The following ZZEF1 variants were observed in gnomAD, a reference collection of about 807,000 sequenced individuals.
ZZEF1 encodes zinc finger ZZ-type and EF-hand domain-containing protein 1.
ZZEF1 carries 157 observed loss-of-function variants against 342.8 expected under a neutral mutation model. That is an observed-to-expected ratio of 0.46 (90% CI 0.40 to 0.52). ZZEF1 has a LOEUF of 0.52. ZZEF1 is among the 20% of genes least tolerant of loss of function. The probability of loss-of-function intolerance (pLI) is 0.00; values close to 1 mark genes in which losing one functional copy is unlikely to be tolerated. For synonymous variants in ZZEF1, 1,505 were observed against 1,429.1 expected, an observed-to-expected ratio of 1.05 and a Z score of -1.20; for missense variants, 3,480 against 3,725.6, an observed-to-expected ratio of 0.93 and a Z score of 1.72.
At chr17:4,040,274 T>A (rs538699666) in intron 39 of ZZEF1, among the ~76,000 whole-genome samples, 2 of 152,238 alleles carry the variant, frequency 1.3e-5, no homozygotes, top group Admixed American at 1.3e-4. Context: ...TTAGAGTAAA[T>A]AATTCAGAAG....
At chr17:4,117,843 A>G (rs920872325) in intron 2 of ZZEF1, among the ~76,000 whole-genome samples, 11 of 152,296 alleles carry the variant, frequency 7.2e-5, no homozygotes, top group Admixed American at 1.3e-4. Context: ...GAGTAAAATC[A>G]TAACTGCTTT....
rs74895855 is a variant in ZZEF1 at position 4,034,398 on chromosome 17, C to T, written c.6307-106G>A. 7,616 of 1,162,372 alleles carry T rather than the reference C, an allele frequency of 6.6e-3. 24 individuals carry two copies. Among genetic ancestry groups the T allele is most frequent in the Non-Finnish European group, 8.0e-3 (6,611 of 823,410 alleles). 72.0% of individuals were successfully genotyped at this position (1,162,372 alleles called of 1,614,324 possible). A position where few individuals can be genotyped will look rare whatever the true frequency, so the allele number is the denominator to read the frequency against. ...TTATTTACAGCTGGCCTAGTGCTAA[C>T]GGAATCATGCTTGTAGCTTTCATAA... On this transcript the variant is annotated intron_variant, in intron 39 of 54. Transcript: ENST00000381638.
chr17:4,098,801 TCA>T (rs2058080552), intron 9 of ZZEF1, among the ~76,000 whole-genome samples: 1 of 152,160 alleles, frequency 6.6e-6, no homozygotes, highest in Non-Finnish European at 1.5e-5. Flanking sequence ...CTTCTCTAAT[TCA>T]CACAGACGCT....
Position 4,117,098 on chromosome 17 carries a change from G to C in ZZEF1, c.568C>G (p.Leu190Val), listed in dbSNP as rs2058407808. The change falls in exon 3 of 55, where the codon CTG (leucine) becomes GTG (valine). Residue 190 changes from leucine to valine, a missense_variant. Around this residue, in one of 5 missense-constraint regions of ZZEF1, gnomAD observed 416 missense variants for 374.2 expected, o/e 1.11. Transcript: ENST00000381638. ...GCGCTGGAGAGCCGATTGCGGTGCA[G>C]GAAGCGCAGTATCATTGACGAGTGA... ...DIHSSMILRF[L>V]HRNRLSSAVM... The C allele has an allele frequency of 1.9e-6, 3 of 1,614,064 alleles. No homozygotes were observed. Among genetic ancestry groups the C allele is most frequent in the African/African-American group, 1.3e-5 (1 of 74,938 alleles).
chr17:4,103,150 A>G (rs1200472873), intron 8 of ZZEF1, among the ~76,000 whole-genome samples: 1 of 152,096 alleles, frequency 6.6e-6, no homozygotes, highest in Non-Finnish European at 1.5e-5. Flanking sequence ...TGCAACCCCC[A>G]ACCACCCAAG....
chr17:4,119,582 T>TGA (rs1406801803), intron 2 of ZZEF1, among the ~76,000 whole-genome samples: 1 of 152,200 alleles, frequency 6.6e-6, no homozygotes, highest in Non-Finnish European at 1.5e-5. Context: ...AGACACCTGC[T>TGA]GAGACTGAGC....
chr17:4,075,096 C>A lies in ZZEF1; in HGVS notation c.3483+1G>T. Reference sequence around the variant, plus strand: ...TACCTCTTTCTGGGACTATCACTCACCTTGGGCCATTTATCAGTGCCAACT... The same window carrying A: ...TACCTCTTTCTGGGACTATCACTCAACTTGGGCCATTTATCAGTGCCAACT... On this transcript the variant is annotated splice_donor_variant, in intron 23 of 54. Coordinates refer to ENST00000381638, the MANE Select transcript of ZZEF1 (RefSeq NM_015113.4). LOFTEE classifies it high-confidence loss of function. 1 of 1,614,194 alleles carries A rather than the reference C, an allele frequency of 6.2e-7. No individual in the cohort carries two copies. Among genetic ancestry groups the A allele is most frequent in the Non-Finnish European group, 8.5e-7 (1 of 1,180,018 alleles).
chr17:4,121,268 C>G (rs2058478030), intron 2 of ZZEF1, among the ~76,000 whole-genome samples: 2 of 152,210 alleles, frequency 1.3e-5, no homozygotes, highest in South Asian at 2.1e-4. Context: ...GCTCCTGATG[C>G]TATCCACATG....
chr17:4,057,732 A>C (rs1039763609), intron 32 of ZZEF1, among the ~76,000 whole-genome samples: 4 of 152,212 alleles, frequency 2.6e-5, no homozygotes, highest in East Asian at 3.8e-4. Context: ...ACGCGGTTCT[A>C]AACACTGAAA....
intron 43 of ZZEF1, among the ~76,000 whole-genome samples, chr17:4,024,544 C>G (rs980200996): frequency 6.6e-5 from 10 of 152,128 alleles, no homozygotes; most frequent in Non-Finnish European, 2.9e-5. Context: ...CTCCAACTGT[C>G]AAACCTGTTG....
chr17:4,009,786 TTTACTGAGAGCCATGCC>T (rs1258016749), intron 52 of ZZEF1, 29 bp from the exon 53 acceptor site: 2 of 1,608,282 alleles, frequency 1.2e-6, no homozygotes. Flanking sequence ...AGGTGGTCAG[TTTACTGAGAGCCATGCC>T]AAGGTCACAT....
intron 38 of ZZEF1, 152 bp downstream of exon 38, chr17:4,044,072 G>A (rs756810083): frequency 6.8e-5 from 49 of 717,696 alleles, no homozygotes; most frequent in Middle Eastern, 2.6e-4. Flanking sequence ...GATGACATTC[G>A]AGGTGTCATC....
chr17:4,059,292 T>C lies in ZZEF1; in HGVS notation c.4884-2A>G. On this transcript the variant is annotated splice_acceptor_variant, in intron 30 of 54. Transcript: ENST00000381638. LOFTEE classifies it high-confidence loss of function. ...CAGCCTTCCAGGTGTCCAAAATAAC[T>C]AGAAACAGAGGAAATCACTGATTCA... 2 of 1,595,314 alleles carry C rather than the reference T, an allele frequency of 1.3e-6. No homozygotes were observed. The highest frequency in any genetic ancestry group is 1.7e-6 in the Non-Finnish European group (2 of 1,176,238).
Position 4,059,283 on chromosome 17 carries a change from C to CCGTATAATTAAAA in ZZEF1, c.4890_4891insTTTTAATTATACG (p.Gly1631PhefsTer2). On this transcript the variant is annotated stop_gained and frameshift_variant, in exon 31 of 55. Transcript: ENST00000381638. LOFTEE classifies it high-confidence loss of function. ...TCAGCACCACAGCCTTCCAGGTGTCCAAAATAACTAGAAACAGAGGAAATC... is the reference window on the plus strand; with the variant it reads ...TCAGCACCACAGCCTTCCAGGTGTCCCGTATAATTAAAAAAAATAACTAGAAACAGAGGAAATC... 6.5e-7 allele frequency: 1 copy of CCGTATAATTAAAA among 1,548,164 alleles called. No homozygotes were observed. The highest frequency in any genetic ancestry group is 2.0e-5 in the Admixed American group (1 of 49,532).
intron 27 of ZZEF1, 31 bp from the exon 28 acceptor site, chr17:4,066,571 C>CT: frequency 6.2e-7 from 1 of 1,604,474 alleles, no homozygotes; most frequent in Admixed American, 1.7e-5. Context: ...CATCATTATG[C>CT]TGTCCAGGCA....
intron 39 of ZZEF1, among the ~76,000 whole-genome samples, chr17:4,040,885 A>G (rs2056787752): frequency 6.6e-6 from 1 of 152,238 alleles, no homozygotes; most frequent in African/African-American, 2.4e-5. Context: ...CTAAGAGCCA[A>G]TTGCAGAAGG....
At chr17:4,053,252 C>T (rs1166681021) in intron 34 of ZZEF1, among the ~76,000 whole-genome samples, 1 of 152,156 alleles carries the variant, frequency 6.6e-6, no homozygotes, top group African/African-American at 2.4e-5. Context: ...GTCCCACAGT[C>T]GGGGGCCCCA....
In ZZEF1 at chr17:4,142,839, C is replaced by T. The variant is rs1170443864; in HGVS notation, c.57G>A (p.Glu19=). 1 of 1,398,296 alleles carries T rather than the reference C, an allele frequency of 7.2e-7. No individual in the cohort carries two copies. The highest frequency in any genetic ancestry group is 9.2e-7 in the Non-Finnish European group (1 of 1,085,374). 86.6% of individuals were successfully genotyped at this position (1,398,296 alleles called of 1,614,324 possible). The change falls in exon 1 of 55, where the codon GAG becomes GAA. Residue 19 remains glutamate, a synonymous_variant. Coordinates refer to ENST00000381638, the MANE Select transcript of ZZEF1 (RefSeq NM_015113.4). ...SEDEAAAAGG[E]GWGPHQDWAA... is the part of the protein sequence containing the mutation. ...CCCAGTCCTGGTGTGGGCCCCAGCC[C>T]TCGCCACCGGCAGCTGCCGCTTCGT... is the stretch of plus-strand genomic sequence containing the variant.
chr17:4,142,244 G>C (rs1351732138), intron 1 of ZZEF1, among the ~76,000 whole-genome samples: 2 of 60,200 alleles, frequency 3.3e-5, no homozygotes, highest in South Asian at 1.5e-3. Context: ...CAAACTGTTC[G>C]AGAATCTGAT....
Sources: gnomAD v4.1 joint callset for allele counts (sites outside exome capture counted in the v4.1 genomes callset) on GRCh38, gnomAD v4.1.1 for gene constraint, gnomAD v4.1.1 regional missense constraint, MANE v1.5 for transcripts, NCBI Gene and HGNC (gene_info 2026-07-23, HGNC 2026-07-21) for gene names.